The following ZNF718 variants were observed in gnomAD, a reference collection of about 807,000 sequenced individuals.
ZNF718 encodes the protein zinc finger protein 718.
Under a neutral mutation model 2.6 loss-of-function variants are expected in ZNF718, and 3 were observed. The observed-to-expected ratio is 1.16, with a 90% CI of 0.53 to 3.01. The LOEUF (loss-of-function observed/expected upper bound fraction) is 3.01. Ranked by LOEUF, ZNF718 falls within the 30% of genes most tolerant of loss-of-function variation. The pLI is 0.03. For synonymous variants in ZNF718, 135 were observed against 77.9 expected (o/e 1.73, Z -3.86); for missense variants, 468 against 230.0 (o/e 2.03, Z -6.69).
chr4:138,483 A>G (rs1298326616), intron 3 of ZNF718, among the ~76,000 whole-genome samples: 1 of 152,134 alleles, frequency 6.6e-6, no homozygotes, highest in Non-Finnish European at 1.5e-5. Context: ...TATGATTGAA[A>G]AGTACTCTGT....
intron 3 of ZNF718, among the ~76,000 whole-genome samples, chr4:178,281 G>C (rs2108812501): frequency 6.6e-6 from 1 of 151,980 alleles, no homozygotes; most frequent in South Asian, 2.1e-4. Flanking sequence ...TGGGACTACA[G>C]GTACATGTCA....
intron 3 of ZNF718, among the ~76,000 whole-genome samples, chr4:182,826 T>C (rs751595037): frequency 3.5e-4 from 54 of 152,198 alleles, no homozygotes; most frequent in Non-Finnish European, 4.4e-4. Flanking sequence ...GTTAATATCC[T>C]TTGCCCACTT....
downstream of ZNF718, among the ~76,000 whole-genome samples, chr4:167,351 A>G (rs1369898216): frequency 6.6e-6 from 1 of 152,130 alleles, no homozygotes; most frequent in Admixed American, 6.6e-5. Context: ...TTGGTTCCAT[A>G]TGAACTTTAA....
chr4:176,509 T>A (rs1009343535), intron 3 of ZNF718, among the ~76,000 whole-genome samples: 3 of 152,116 alleles, frequency 2.0e-5, no homozygotes, highest in South Asian at 4.1e-4. Flanking sequence ...ATGCAACACA[T>A]CCAGCACCAC....
At position 163,882 on chromosome 4, in the gene ZNF718, T is replaced by G. The variant is rs1347695603; in HGVS notation, c.*1760T>G. 1 of 151,806 alleles carries G rather than the reference T, an allele frequency of 6.6e-6. No homozygotes were observed. The highest frequency in any genetic ancestry group is 6.6e-5 in the Admixed American group (1 of 15,238). 9.4% of individuals were successfully genotyped at this position (151,806 alleles called of 1,614,324 possible). A position where few individuals can be genotyped will look rare whatever the true frequency, so the allele number is the denominator to read the frequency against. ...ATATTTAAATTTATTTTTAAAAATT[T>G]ATGTGGGTACATGGTATGTGTATAC... On this transcript the variant is annotated 3_prime_UTR_variant, in exon 4 of 4. Transcript: ENST00000510175.
chr4:170,156 A>G (rs1398680848), intron 3 of ZNF718, among the ~76,000 whole-genome samples: 1 of 152,216 alleles, frequency 6.6e-6, no homozygotes, highest in Non-Finnish European at 1.5e-5. Context: ...TCTTTTCTTT[A>G]AGAATGTTGA....
intron 3 of ZNF718, among the ~76,000 whole-genome samples, chr4:143,036 T>C (rs1553810519): frequency 6.6e-6 from 1 of 152,152 alleles, no homozygotes; most frequent in Non-Finnish European, 1.5e-5. Flanking sequence ...TCAACTAGAA[T>C]AACAGAAGCT....
In ZNF718 at chr4:127,761, T is replaced by C. The variant is rs1715271700; in HGVS notation, c.4-3027T>C. Reference sequence around the variant, plus strand: ...TGCTATTGGCACAAGTGGCTATAAATTAACCTAATAATGCCACACTGGACA... The same window carrying C: ...TGCTATTGGCACAAGTGGCTATAAACTAACCTAATAATGCCACACTGGACA... On this transcript the variant is annotated intron_variant, in intron 1 of 3. Transcript: ENST00000510175. Among the ~76,000 whole-genome samples the C allele has an allele frequency of 1.9e-5, 2 of 104,880 alleles. 1 individual carries two copies. The highest frequency in any genetic ancestry group is 4.3e-5 in the Non-Finnish European group (2 of 46,894). 68.8% of individuals were successfully genotyped at this position (104,880 alleles called of 152,430 possible). A position where few individuals can be genotyped will look rare whatever the true frequency, so the allele number is the denominator to read the frequency against.
intron 3 of ZNF718, among the ~76,000 whole-genome samples, chr4:192,140 C>T (rs938968647): frequency 1.2e-4 from 19 of 152,052 alleles, no homozygotes; most frequent in Non-Finnish European, 2.1e-4. Context: ...GGTGGGTCTG[C>T]GATGGTGGTG....
Position 162,237 on chromosome 4 carries a change from A to T in ZNF718, c.*115A>T. 6.9e-6 allele frequency: 4 copies of T among 579,526 alleles called. No individual in the cohort carries two copies. In the South Asian group the frequency reaches 1.0e-4, roughly 15 times the overall value. 35.9% of individuals were successfully genotyped at this position (579,526 alleles called of 1,614,324 possible). On this transcript the variant is annotated 3_prime_UTR_variant, in exon 4 of 4. Transcript: ENST00000510175. ...TGACAAAGCTTTTAACCGCAACTCAATCTGTTCTAAACATAAGAGAAATGG... is the reference window on the plus strand; with the variant it reads ...TGACAAAGCTTTTAACCGCAACTCATTCTGTTCTAAACATAAGAGAAATGG...
At position 134,180 on chromosome 4, in the gene ZNF718, G is replaced by A. The variant is rs1333109251; in HGVS notation, c.226+2675G>A. 5.3e-5 allele frequency among the ~76,000 whole-genome samples: 8 copies of A among 152,004 alleles called. 1 individual carries two copies. In the East Asian group the frequency reaches 1.2e-3, roughly 22 times the overall value. The stretch of plus-strand genomic sequence containing the variant: ...TGTTTTGTTTTTGAGATGGAGTCTC[G>A]CTGTCACCCAGGCTGGAGTGCAGTG... On this transcript the variant is annotated intron_variant, in intron 3 of 3. Coordinates refer to ENST00000510175, the MANE Select transcript of ZNF718 (RefSeq NM_001039127.6).
intron 3 of ZNF718, among the ~76,000 whole-genome samples, chr4:169,945 A>C (rs1248498048): frequency 6.6e-6 from 1 of 151,928 alleles, no homozygotes; most frequent in Non-Finnish European, 1.5e-5. Context: ...CCTAGCATCG[A>C]TGGTCTTTAC....
chr4:185,352 T>C (rs1717546471), intron 3 of ZNF718, among the ~76,000 whole-genome samples: 1 of 152,230 alleles, frequency 6.6e-6, no homozygotes, highest in Non-Finnish European at 1.5e-5. Flanking sequence ...TTGCTTACAC[T>C]GTGATTTGAG....
intron 3 of ZNF718, among the ~76,000 whole-genome samples, chr4:137,766 A>G (rs200934562): frequency 1.0e-5 from 1 of 99,892 alleles, no homozygotes; most frequent in Non-Finnish European, 2.1e-5. Flanking sequence ...TTTTTTTCTT[A>G]CTCGGGACTG....
Position 190,687 on chromosome 4 carries a change from G to A in ZNF718, c.227-10394G>A, listed in dbSNP as rs996416178. 3.3e-5 allele frequency among the ~76,000 whole-genome samples: 5 copies of A among 152,056 alleles called. No homozygotes were observed. In the East Asian group the frequency reaches 5.8e-4, roughly 18 times the overall value. ...TTAGTGTAAAAGCAGAAAAGGAGAA[G>A]AAGTTATATAACCACAAATATACAT... is the stretch of plus-strand genomic sequence containing the variant. On this transcript the variant is annotated intron_variant and NMD_transcript_variant, in intron 3 of 4. Coordinates refer to the ZNF718 transcript ENST00000642529.
At chr4:174,630 GCAGAT>G (rs782674456) in intron 3 of ZNF718, among the ~76,000 whole-genome samples, 2 of 152,144 alleles carry the variant, frequency 1.3e-5, no homozygotes, top group African/African-American at 2.4e-5. Context: ...AGGAAGACTG[GCAGAT>G]AGACTTCACT....
intron 3 of ZNF718, among the ~76,000 whole-genome samples, chr4:152,145 A>G (rs1413437354): frequency 2.7e-5 from 4 of 148,388 alleles, no homozygotes; most frequent in Admixed American, 1.3e-4. Context: ...GTTTTTCCCT[A>G]TCTCAGTAGA....
rs1420668819 is a variant in ZNF718, at chr4:133,191, AAAAAATATATATATATATAT to A, written c.226+1688_226+1707del. On this transcript the variant is annotated intron_variant, in intron 3 of 3. Coordinates refer to ENST00000510175, the MANE Select transcript of ZNF718 (RefSeq NM_001039127.6). Reference sequence around the variant, plus strand: ...AGACTCCATCTTAAAAAAAAAAAAAAAAAAATATATATATATATATATATATATATATATATATGGTAACA... The same window carrying A: ...AGACTCCATCTTAAAAAAAAAAAAAAATATATATATATATATATGGTAACA... Among the ~76,000 whole-genome samples the A allele has an allele frequency of 8.7e-4, 19 of 21,862 alleles. 7 individuals carry two copies. Among genetic ancestry groups the A allele is most frequent in the African/African-American group, 4.2e-3 (19 of 4,472 alleles). The allele number at this position is 21,862 out of a possible 152,430, so 14.3% of individuals were successfully genotyped here.
intron 3 of ZNF718, among the ~76,000 whole-genome samples, chr4:142,366 A>T (rs1553810405): frequency 6.6e-6 from 1 of 152,240 alleles, no homozygotes; most frequent in Non-Finnish European, 1.5e-5. Context: ...CCAGCCTTAT[A>T]TATGGATAAG....
Sources: allele counts gnomAD v4.1 joint callset (sites outside exome capture counted in the v4.1 genomes callset), GRCh38; gene constraint gnomAD v4.1.1; transcripts MANE v1.5; gene names NCBI Gene and HGNC (gene_info 2026-07-23, HGNC 2026-07-21).